Variants in PUDP observed in about 807,000 individuals in gnomAD.
The protein encoded by PUDP is pseudouridine 5'-phosphatase.
In PUDP, 8 loss-of-function variants were observed where a neutral mutation model predicts 9.4. The ratio of observed to expected loss-of-function variants is 0.85; its 90% CI spans 0.50 to 1.53. PUDP has a LOEUF of 1.53. Ranked by LOEUF, PUDP falls within the 40% of genes most tolerant of loss-of-function variation. PUDP has a pLI of 0.00. For synonymous variants in PUDP, 99 were observed against 80.7 expected, an observed-to-expected ratio of 1.23 and a Z score of -1.22; for missense variants, 188 against 189.7, an observed-to-expected ratio of 0.99 and a Z score of 0.05.
upstream of PUDP, among the ~76,000 whole-genome samples, chrX:6,724,272 C>A (rs1231994964): frequency 9.0e-6 from 1 of 110,684 alleles, no homozygotes; most frequent in African/African-American, 3.3e-5. Flanking sequence ...ATATCTCAAA[C>A]AATAAAGTGA....
intron 3 of PUDP, among the ~76,000 whole-genome samples, chrX:6,930,001 A>G (rs1392693523): frequency 9.0e-6 from 1 of 111,520 alleles, no homozygotes; most frequent in East Asian, 2.8e-4. Flanking sequence ...GGTTAAGAAG[A>G]GAATTTTGTG....
downstream of PUDP, among the ~76,000 whole-genome samples, chrX:7,046,030 T>C (rs749818959): frequency 2.7e-5 from 3 of 112,542 alleles, no homozygotes; most frequent in Admixed American, 9.4e-5. Context: ...ATCGGATCCA[T>C]ATATGTAAAC....
At chrX:7,066,020 A>G (rs1930542139) in intron 3 of PUDP, among the ~76,000 whole-genome samples, 1 of 112,616 alleles carries the variant, frequency 8.9e-6, no homozygotes, top group Non-Finnish European at 1.9e-5. Context: ...AAGCTAAAAG[A>G]TATTTTGAAA....
intron 1 of PUDP, among the ~76,000 whole-genome samples, chrX:7,036,018 C>A (rs1443269997): frequency 4.5e-5 from 5 of 112,014 alleles, no homozygotes; most frequent in Non-Finnish European, 9.4e-5. Flanking sequence ...CTCATGTAAT[C>A]TCTGCACATG....
At chrX:7,101,594 A>G (rs1931737521) in intron 2 of PUDP, among the ~76,000 whole-genome samples, 1 of 112,316 alleles carries the variant, frequency 8.9e-6, no homozygotes, top group Non-Finnish European at 1.9e-5. Flanking sequence ...GCAGTAGAAC[A>G]TATTTCAAGT....
chrX:7,105,799 C>T lies in PUDP; in HGVS notation c.101G>A (p.Cys34Tyr). 8.3e-7 allele frequency: 1 copy of T among 1,207,501 alleles called. No homozygotes were observed. Among genetic ancestry groups the T allele is most frequent in the Non-Finnish European group, 1.1e-6 (1 of 892,513 alleles). ...RLYSVVFQEICNRYDKKYSWD... is the reference protein window; with the variant it reads ...RLYSVVFQEIYNRYDKKYSWD... ...GCTGTATTTCTTGTCATAGCGATTACATATTTCTTGAAACACCACTGAATA... is the reference window on the plus strand; with the variant it reads ...GCTGTATTTCTTGTCATAGCGATTATATATTTCTTGAAACACCACTGAATA... The change falls in exon 2 of 4, where the codon TGT becomes TAT. Residue 34 changes from cysteine (C) to tyrosine (Y), a missense_variant. Coordinates refer to ENST00000381077, the MANE Select transcript of PUDP (RefSeq NM_012080.5).
intron 3 of PUDP, among the ~76,000 whole-genome samples, chrX:6,841,975 T>C (rs1926679568): frequency 9.0e-6 from 1 of 111,406 alleles, no homozygotes; most frequent in Non-Finnish European, 1.9e-5. Flanking sequence ...GGAGTTCATG[T>C]GTGTGCTGTT....
chrX:6,760,613 G>A (rs753288314), intron 3 of PUDP, among the ~76,000 whole-genome samples: 1 of 112,072 alleles, frequency 8.9e-6, no homozygotes, highest in East Asian at 2.8e-4. Context: ...ACCTTCTGCA[G>A]AGCCACACGT....
rs1569122780 is a variant in PUDP at position 6,916,237 on chromosome X, CACACACACACA to C, written c.*247+60885_*247+60895del. 1.2e-3 allele frequency among the ~76,000 whole-genome samples: 115 copies of C among 94,575 alleles called. 1 individual carries two copies. The highest frequency in any genetic ancestry group is 4.6e-3 in the African/African-American group (105 of 22,765). 82.1% of individuals were successfully genotyped at this position (94,575 alleles called of 115,157 possible). ...ACACACACACACACACACACACACA[CACACACACACA>C]CCCTGGGGAACTGGTAAATTTGGGG... On this transcript the variant is annotated intron_variant and NMD_transcript_variant, in intron 3 of 3. Coordinates refer to the PUDP transcript ENST00000655425.
rs111314072 is a variant in PUDP, at chrX:6,789,028, G to C, written c.*248-82562C>G. ...GAAGAGACCGGGCGCGGTGGCTCAC[G>C]CCTGTAATCCCAGCACATTGGGAAG... On this transcript the variant is annotated intron_variant and NMD_transcript_variant, in intron 3 of 3. Transcript: ENST00000655425. Among the ~76,000 whole-genome samples, 4 of 110,357 alleles carry C rather than the reference G, an allele frequency of 3.6e-5. No individual in the cohort carries two copies. In the South Asian group the frequency reaches 1.5e-3, roughly 42 times the overall value.
At chrX:7,057,568 T>A in intron 3 of PUDP, 2 of 951,296 alleles carry the variant, frequency 2.1e-6, no homozygotes, top group Non-Finnish European at 2.8e-6. Flanking sequence ...GTTTCTGATG[T>A]GGTGGGTCTT....
downstream of PUDP, among the ~76,000 whole-genome samples, chrX:7,046,223 T>C (rs1040516297): frequency 8.9e-6 from 1 of 112,099 alleles, no homozygotes; most frequent in Admixed American, 9.4e-5. Flanking sequence ...AAGGAGGTAA[T>C]TAAGGTTAAA....
chrX:7,072,967 C>T (rs750572416), intron 3 of PUDP, among the ~76,000 whole-genome samples: 21 of 111,702 alleles, frequency 1.9e-4, no homozygotes, highest in African/African-American at 6.5e-4. Context: ...CCTGGGGTGC[C>T]TCCCAGCTTG....
At chrX:6,941,269 A>G (rs186862293) in intron 3 of PUDP, among the ~76,000 whole-genome samples, 6 of 110,868 alleles carry the variant, frequency 5.4e-5, no homozygotes, top group African/African-American at 2.0e-4. Flanking sequence ...CTCAACCTCT[A>G]AAAAAATAAA....
intron 3 of PUDP, among the ~76,000 whole-genome samples, chrX:6,775,730 A>G (rs1403309879): frequency 9.0e-6 from 1 of 110,578 alleles, no homozygotes; most frequent in Non-Finnish European, 1.9e-5. Flanking sequence ...TGGAGCCCTT[A>G]TGAATGGAAT....
chrX:7,108,293 T>C (rs763123497), intron 1 of PUDP, among the ~76,000 whole-genome samples: 4 of 112,135 alleles, frequency 3.6e-5, no homozygotes, highest in Non-Finnish European at 7.5e-5. Context: ...CTGTGCACGC[T>C]TCTCTCCTGG....
intron 1 of PUDP, among the ~76,000 whole-genome samples, chrX:7,001,834 A>C (rs1232184481): frequency 2.7e-5 from 3 of 112,173 alleles, no homozygotes; most frequent in African/African-American, 9.7e-5. Flanking sequence ...TGAAAAATTT[A>C]AATGCCAAAG....
chrX:6,894,641 T>C (rs746814087), intron 3 of PUDP, among the ~76,000 whole-genome samples: 1 of 111,689 alleles, frequency 9.0e-6, no homozygotes, highest in Admixed American at 9.6e-5. Flanking sequence ...CAATCATTTG[T>C]GTGAAGTGGA....
chrX:6,883,521 CAA>C (rs753618830), intron 3 of PUDP, among the ~76,000 whole-genome samples: 188 of 41,373 alleles, frequency 4.5e-3, no homozygotes, highest in African/African-American at 0.013. Flanking sequence ...GACCTTGTCT[CAA>C]AAAAAAAAAA....
Sources: gnomAD v4.1 joint callset for allele counts (sites outside exome capture counted in the v4.1 genomes callset) on GRCh38, gnomAD v4.1.1 for gene constraint, MANE v1.5 for transcripts, NCBI Gene and HGNC (gene_info 2026-07-23, HGNC 2026-07-21) for gene names.